The following PAFAH1B2 variants were observed in gnomAD, a reference collection of about 807,000 sequenced individuals.
The protein encoded by PAFAH1B2 is platelet activating factor acetylhydrolase 1b catalytic subunit 2.
A neutral mutation model predicts 28.0 loss-of-function variants in PAFAH1B2; 8 were observed. The ratio of observed to expected loss-of-function variants is 0.29; its 90% CI spans 0.17 to 0.52. The LOEUF (loss-of-function observed/expected upper bound fraction) is 0.52. PAFAH1B2 is among the 20% of genes least tolerant of loss of function. The probability of loss-of-function intolerance (pLI) is 0.97; values close to 1 mark genes in which losing one functional copy is unlikely to be tolerated. For missense variants in PAFAH1B2, 190 were observed against 282.6 expected (o/e 0.67, Z 2.35); for synonymous variants, 104 against 103.2 (o/e 1.01, Z -0.05).
chr11:117,170,526 CAG>C lies in PAFAH1B2; in HGVS notation c.*2828_*2829del, dbSNP rs1565277034. The C allele has an allele frequency of 6.6e-6, 7 of 1,056,924 alleles. No homozygotes were observed. The highest frequency in any genetic ancestry group is 1.7e-5 in the African/African-American group (1 of 59,946). The allele number at this position is 1,056,924 out of a possible 1,614,324, so 65.5% of individuals were successfully genotyped here. On this transcript the variant is annotated 3_prime_UTR_variant, in exon 6 of 6. Transcript: ENST00000527958. ...ACCACCGTGAGGCTACTTGAACTGT[CAG>C]GGGCATCTGCCTAAACCAGAATCTT...
At chr11:117,153,032 C>A (rs1364436351) in intron 2 of PAFAH1B2, among the ~76,000 whole-genome samples, 1 of 152,188 alleles carries the variant, frequency 6.6e-6, no homozygotes, top group African/African-American at 2.4e-5. Flanking sequence ...TGCCACTGCA[C>A]TCCAGCCTGG....
downstream of PAFAH1B2, among the ~76,000 whole-genome samples, chr11:117,177,338 ACTC>A (rs761140871): frequency 1.5e-4 from 23 of 152,220 alleles, no homozygotes; most frequent in South Asian, 2.1e-4. Flanking sequence ...TTTTGGTACT[ACTC>A]TATATTTTTA....
downstream of PAFAH1B2, among the ~76,000 whole-genome samples, chr11:117,171,362 G>C (rs568959648): frequency 9.9e-5 from 15 of 152,124 alleles, no homozygotes; most frequent in Non-Finnish European, 1.6e-4. Context: ...TCTGAACTGG[G>C]TGAATGTCAT....
At chr11:117,178,060 G>A (rs2030082521), downstream of PAFAH1B2, among the ~76,000 whole-genome samples, 1 of 152,344 alleles carries the variant, frequency 6.6e-6, no homozygotes. Flanking sequence ...ATAGAGTCCA[G>A]AAGTGGAATT....
intron 2 of PAFAH1B2, among the ~76,000 whole-genome samples, chr11:117,154,880 T>C (rs1956226815): frequency 6.6e-6 from 1 of 152,216 alleles, no homozygotes; most frequent in African/African-American, 2.4e-5. Flanking sequence ...CCATAAATGA[T>C]TGCTGTAGCT....
chr11:117,163,909 G>A lies in PAFAH1B2; in HGVS notation c.411+17G>A. On this transcript the variant is annotated intron_variant, in intron 5 of 5. Transcript: ENST00000527958. ...ATTGTATTGGTATGTAGTCGTTGGT[G>A]GGTAGAGAGTTTGTTATCTTTAGGT... The A allele has an allele frequency of 6.2e-7, 1 of 1,611,910 alleles. No homozygotes were observed. Among genetic ancestry groups the A allele is most frequent in the East Asian group, 2.2e-5 (1 of 44,844 alleles).
intron 5 of PAFAH1B2, among the ~76,000 whole-genome samples, chr11:117,165,656 A>C (rs962220074): frequency 6.6e-6 from 1 of 152,204 alleles, no homozygotes; most frequent in African/African-American, 2.4e-5. Context: ...TGACATCTGC[A>C]TTCAAAGACT....
rs1221949129 is a variant in PAFAH1B2 at position 117,169,840 on chromosome 11, CAGA to C, written c.*2144_*2146del. 91 of 1,055,474 alleles carry C rather than the reference CAGA, an allele frequency of 8.6e-5. 1 individual carries two copies. In the African/African-American group the frequency reaches 1.4e-3, roughly 17 times the overall value. The allele number at this position is 1,055,474 out of a possible 1,614,324, so 65.4% of individuals were successfully genotyped here. ...TCTATCCACGTCTTTTTCTGTTTGT[CAGA>C]AGGTGGGAGTATGGTCCAAATAAAT... On this transcript the variant is annotated 3_prime_UTR_variant, in exon 6 of 6. Coordinates refer to ENST00000527958, the MANE Select transcript of PAFAH1B2 (RefSeq NM_002572.4).
chr11:117,164,023 C>G, intron 5 of PAFAH1B2, 131 bp downstream of exon 5: 2 of 859,776 alleles, frequency 2.3e-6, no homozygotes, highest in Non-Finnish European at 3.7e-6. Context: ...TCGTTGACCT[C>G]TTCTTTAATG....
At chr11:117,154,729 C>G (rs779089009) in intron 2 of PAFAH1B2, among the ~76,000 whole-genome samples, 1 of 152,180 alleles carries the variant, frequency 6.6e-6, no homozygotes, top group African/African-American at 2.4e-5. Context: ...CAGGCATGAG[C>G]CACCGTGCCT....
At chr11:117,146,238 C>T (rs913173042) in intron 1 of PAFAH1B2, among the ~76,000 whole-genome samples, 9 of 151,842 alleles carry the variant, frequency 5.9e-5, no homozygotes, top group Middle Eastern at 3.4e-3. Context: ...AGGCATGTGC[C>T]ACCACACCCA....
downstream of PAFAH1B2, chr11:117,175,542 A>G (rs1259178691): frequency 9.1e-7 from 1 of 1,104,532 alleles, no homozygotes; most frequent in Non-Finnish European, 1.1e-6. Context: ...GTTTGCTTGG[A>G]TGGATTTCTC....
At chr11:117,164,010 C>A (rs1956439309) in intron 5 of PAFAH1B2, 118 bp downstream of exon 5, 5 of 1,018,116 alleles carry the variant, frequency 4.9e-6, no homozygotes, top group Non-Finnish European at 7.5e-6. Context: ...GTTTATCATA[C>A]TTTCGTTGAC....
downstream of PAFAH1B2, chr11:117,175,492 T>G: frequency 9.2e-7 from 1 of 1,088,046 alleles, no homozygotes; most frequent in Non-Finnish European, 1.1e-6. Context: ...ATTCAAAAGT[T>G]AAGTCTTGAG....
chr11:117,160,186 T>G (rs1452515229), intron 3 of PAFAH1B2, among the ~76,000 whole-genome samples, 163 bp downstream of exon 3: 2 of 152,230 alleles, frequency 1.3e-5, no homozygotes, highest in Non-Finnish European at 2.9e-5. Context: ...TTTCTTTTCT[T>G]TCTTTTAACT....
At chr11:117,148,110 G>T (rs1366577690) in intron 1 of PAFAH1B2, among the ~76,000 whole-genome samples, 1 of 148,682 alleles carries the variant, frequency 6.7e-6, no homozygotes. Flanking sequence ...GGGGTGCAGT[G>T]GTGTGATCTC....
chr11:117,148,129 G>T (rs1459665135), intron 1 of PAFAH1B2, among the ~76,000 whole-genome samples: 2 of 148,102 alleles, frequency 1.4e-5, no homozygotes, highest in Non-Finnish European at 3.0e-5. Flanking sequence ...TCTGCTCACT[G>T]CAACCTCCAC....
Position 117,146,989 on chromosome 11 carries a change from C to T in PAFAH1B2, c.-8+2571C>T, listed in dbSNP as rs148471428. Among the ~76,000 whole-genome samples, 175 of 152,052 alleles carry T rather than the reference C, an allele frequency of 1.2e-3. 4 individuals are homozygous for T. The East Asian group carries it at 0.031, about 27-fold the overall frequency. On this transcript the variant is annotated intron_variant, in intron 1 of 5. Transcript: ENST00000527958. ...TCAAAAAAAACAAAAAAAAAGCCGGCCGGGCGTGGTGGCTCACGCCTGTAA... is the reference window on the plus strand; with the variant it reads ...TCAAAAAAAACAAAAAAAAAGCCGGTCGGGCGTGGTGGCTCACGCCTGTAA...
At chr11:117,145,478 G>A (rs1217032842) in intron 1 of PAFAH1B2, among the ~76,000 whole-genome samples, 4 of 152,152 alleles carry the variant, frequency 2.6e-5, no homozygotes, top group Non-Finnish European at 4.4e-5. Flanking sequence ...AGTGGAAGGA[G>A]AAAGTGCTTA....
Sources: allele counts gnomAD v4.1 joint callset (sites outside exome capture counted in the v4.1 genomes callset), GRCh38; gene constraint gnomAD v4.1.1; transcripts MANE v1.5; gene names NCBI Gene and HGNC (gene_info 2026-07-23, HGNC 2026-07-21).